ADAMTS15: variants seen among roughly 807,000 people sequenced by gnomAD.
ADAMTS15 encodes ADAM metallopeptidase with thrombospondin type 1 motif 15.
A neutral mutation model predicts 79.1 loss-of-function variants in ADAMTS15; 35 were observed. The observed-to-expected ratio is 0.44, with a 90% CI of 0.34 to 0.59. The LOEUF (loss-of-function observed/expected upper bound fraction) is 0.59. ADAMTS15 is among the 20% of genes least tolerant of loss of function. ADAMTS15 has a pLI of 0.02. For synonymous variants in ADAMTS15, 616 were observed against 567.3 expected (o/e 1.09, Z -1.22); for missense variants, 1,324 against 1,318.7 (o/e 1.00, Z -0.06).
At chr11:130,469,469 G>A in intron 5 of ADAMTS15, 30 bp downstream of exon 5, 1 of 1,310,864 alleles carries the variant, frequency 7.6e-7, no homozygotes, top group East Asian at 2.9e-5. Context: ...GGTGGCCTGG[G>A]CCCAGGGGAG....
intron 4 of ADAMTS15, among the ~76,000 whole-genome samples, chr11:130,466,055 T>G (rs920142861): frequency 4.6e-5 from 7 of 152,146 alleles, no homozygotes; most frequent in South Asian, 2.1e-4. Context: ...GTATTTTTAG[T>G]GGAGATGGGG....
chr11:130,463,249 T>G (rs1162021635), intron 4 of ADAMTS15, among the ~76,000 whole-genome samples: 1 of 152,242 alleles, frequency 6.6e-6, no homozygotes, highest in African/African-American at 2.4e-5. Context: ...AGCAAAGCCC[T>G]GGGCAAGCTT....
intron 5 of ADAMTS15, among the ~76,000 whole-genome samples, chr11:130,470,212 ATATATATATATAT>A (rs1938423000): frequency 3.8e-5 from 2 of 52,296 alleles, no homozygotes; most frequent in East Asian, 3.0e-4. Flanking sequence ...ATATATATGT[ATATATATATATAT>A]TTTCTGAGGT....
intron 7 of ADAMTS15, among the ~76,000 whole-genome samples, chr11:130,471,850 G>T (rs1178169595): frequency 1.3e-5 from 2 of 152,222 alleles, no homozygotes; most frequent in African/African-American, 4.8e-5. Context: ...AAGTAACACG[G>T]TTAGCATCGT....
At position 130,449,810 on chromosome 11, in the gene ADAMTS15, C is replaced by G; in HGVS notation, c.837C>G (p.Pro279=). The change falls in exon 1 of 8, where the codon CCC becomes CCG. Residue 279 remains proline (P), a synonymous_variant. Transcript: ENST00000299164. The surrounding 1 kb of genome is among the most constrained non-coding windows in gnomAD (Gnocchi z 7.8). ...VLLLRDRDSG[P]KVTGNAALTL... is the part of the protein sequence containing the mutation. ...TTCTTAGAGATCGTGACTCCGGGCCCAAGGTCACCGGCAATGCGGCCCTGA... is the reference window on the plus strand; with the variant it reads ...TTCTTAGAGATCGTGACTCCGGGCCGAAGGTCACCGGCAATGCGGCCCTGA... 9 of 1,611,214 alleles carry G rather than the reference C, an allele frequency of 5.6e-6. No individual in the cohort carries two copies. The highest frequency in any genetic ancestry group is 7.6e-6 in the Non-Finnish European group (9 of 1,180,020).
intron 1 of ADAMTS15, chr11:130,450,206 A>C: frequency 1.0e-6 from 1 of 985,460 alleles, no homozygotes; most frequent in South Asian, 4.7e-5. Flanking sequence ...TCAGGCGCCG[A>C]GGGGCCGGAA....
intron 5 of ADAMTS15, among the ~76,000 whole-genome samples, chr11:130,470,186 G>GTGTATATATATATATATATATATATA (rs1565397851): frequency 1.5e-5 from 1 of 67,178 alleles, no homozygotes; most frequent in Non-Finnish European, 2.6e-5. Context: ...ATATATGTGT[G>GTGTATATATATATATATATATATATA]TATATATATA....
chr11:130,449,689 A>G lies in ADAMTS15; in HGVS notation c.716A>G (p.Glu239Gly). The stretch of plus-strand genomic sequence containing the variant: ...GTCAAGTTCCACGGCGCGGACCTGG[A>G]ACATTATCTGCTGACGCTGCTGGCA... ...SMVKFHGADL[E>G]HYLLTLLATA... Residue 239 changes from glutamate (E) to glycine (G), a missense_variant, in exon 1 of 8, where the codon GAA becomes GGA. Physicochemically the swap from Glu to Gly is moderately conservative, Grantham distance 98. Coordinates refer to ENST00000299164, the MANE Select transcript of ADAMTS15 (RefSeq NM_139055.4). The surrounding 1 kb of genome is among the most constrained non-coding windows in gnomAD (Gnocchi z 7.8). 6.2e-7 allele frequency: 1 copy of G among 1,607,322 alleles called. No homozygotes were observed. The highest frequency in any genetic ancestry group is 2.2e-5 in the East Asian group (1 of 44,602).
chr11:130,455,101 T>C (rs888399866), intron 1 of ADAMTS15, among the ~76,000 whole-genome samples: 2 of 152,156 alleles, frequency 1.3e-5, no homozygotes, highest in African/African-American at 2.4e-5. Context: ...CTATGTGCAC[T>C]TAACTTTCCT....
chr11:130,470,955 G>A lies in ADAMTS15; in HGVS notation c.1756G>A (p.Ala586Thr), dbSNP rs1348859960. Residue 586 changes from alanine to threonine, a missense_variant, in exon 6 of 8, where the codon GCT becomes ACT. Transcript: ENST00000299164. Reference sequence around the variant, plus strand: ...GAGCTTCCGGGAGGAGCAGTGTGAGGCTTTCAACGGCTACAACCACAGCAC... The same window carrying A: ...GAGCTTCCGGGAGGAGCAGTGTGAGACTTTCAACGGCTACAACCACAGCAC... ...GKSFREEQCE[A>T]FNGYNHSTNR... 3.1e-6 allele frequency: 5 copies of A among 1,613,776 alleles called. No homozygotes were observed. In the East Asian group the frequency reaches 6.7e-5, roughly 22 times the overall value.
At chr11:130,458,012 C>A (rs985184487) in intron 1 of ADAMTS15, among the ~76,000 whole-genome samples, 1 of 152,100 alleles carries the variant, frequency 6.6e-6, no homozygotes, top group Non-Finnish European at 1.5e-5. Flanking sequence ...ACCGGGACTT[C>A]TTGATGGAAA....
chr11:130,470,119 CATAT>C lies in ADAMTS15; in HGVS notation c.1720+690_1720+693del, dbSNP rs1208986843. ...GTAGTTATCAGGTTCATTACTGAAT[CATAT>C]ATATATATACATATATATATATATA... is the stretch of plus-strand genomic sequence containing the variant. On this transcript the variant is annotated intron_variant, in intron 5 of 7. Transcript: ENST00000299164. Among the ~76,000 whole-genome samples, 37 of 64,010 alleles carry C rather than the reference CATAT, an allele frequency of 5.8e-4. 1 individual carries two copies. Among genetic ancestry groups the C allele is most frequent in the Non-Finnish European group, 7.6e-4 (25 of 32,964 alleles). 42.0% of individuals were successfully genotyped at this position (64,010 alleles called of 152,430 possible).
At position 130,473,807 on chromosome 11, in the gene ADAMTS15, C is replaced by T. The variant is rs61744317; in HGVS notation, c.2839C>T (p.Leu947=). ...GCCCCAGGAGCTGGACTTCTGCGTC[C>T]TGAGGCCGTGCTGAGTGGGGTCATC... The part of the protein sequence containing the change: ...RKPQELDFCV[L]RPC Residue 947 remains leucine, a synonymous_variant, in exon 8 of 8, where the codon CTG becomes TTG. Coordinates refer to ENST00000299164, the MANE Select transcript of ADAMTS15 (RefSeq NM_139055.4). 3.1e-3 allele frequency: 5,018 copies of T among 1,596,338 alleles called. 127 individuals carry two copies. In the African/African-American group the frequency reaches 0.054, roughly 17 times the overall value.
intron 1 of ADAMTS15, among the ~76,000 whole-genome samples, chr11:130,455,861 G>A (rs921724630): frequency 6.6e-6 from 1 of 152,140 alleles, no homozygotes. Flanking sequence ...GAGCACTCTC[G>A]GCACTTAATC....
intron 5 of ADAMTS15, among the ~76,000 whole-genome samples, chr11:130,470,158 A>ATGTG (rs1783596038): frequency 1.0e-4 from 5 of 50,036 alleles, no homozygotes; most frequent in East Asian, 4.4e-4. Flanking sequence ...ATATGTGTAT[A>ATGTG]TATATATATA....
rs1272212952 is a variant in ADAMTS15 at position 130,449,750 on chromosome 11, C to G, written c.777C>G (p.Leu259=). 3 of 1,612,844 alleles carry G rather than the reference C, an allele frequency of 1.9e-6. No individual in the cohort carries two copies. The highest frequency in any genetic ancestry group is 1.1e-5 in the South Asian group (1 of 91,070). Residue 259 remains leucine, a synonymous_variant, in exon 1 of 8, where the codon CTC becomes CTG. Transcript: ENST00000299164. The surrounding 1 kb of genome is among the most constrained non-coding windows in gnomAD (Gnocchi z 7.8). ...AARLYRHPSI[L]NPINIVVVKV... is the part of the protein sequence containing the mutation. Reference sequence around the variant, plus strand: ...GACTCTACCGCCATCCCAGCATCCTCAACCCCATCAACATCGTTGTGGTCA... The same window carrying G: ...GACTCTACCGCCATCCCAGCATCCTGAACCCCATCAACATCGTTGTGGTCA...
chr11:130,450,192 T>C, intron 1 of ADAMTS15: 2 of 985,480 alleles, frequency 2.0e-6, no homozygotes, highest in Non-Finnish European at 2.4e-6. Flanking sequence ...CAGCGCCTCC[T>C]GGATCAGGCG....
At chr11:130,469,208 G>T (rs1349445006) in intron 4 of ADAMTS15, 54 bp from the exon 5 acceptor site, 8 of 1,353,176 alleles carry the variant, frequency 5.9e-6, no homozygotes, top group Middle Eastern at 2.2e-4. Flanking sequence ...TGGGCTGAGG[G>T]GCTGGGTGTG....
At chr11:130,470,160 A>ATATATATATATGTATATG (rs1938404904) in intron 5 of ADAMTS15, among the ~76,000 whole-genome samples, 1 of 57,314 alleles carries the variant, frequency 1.7e-5, no homozygotes, top group Non-Finnish European at 3.3e-5. Flanking sequence ...ATGTGTATAT[A>ATATATATATATGTATATG]TATATATATA....
Sources: allele counts gnomAD v4.1 joint callset (sites outside exome capture counted in the v4.1 genomes callset), GRCh38; gene constraint gnomAD v4.1.1; non-coding constraint Gnocchi (gnomAD v3.1); transcripts MANE v1.5; gene names NCBI Gene and HGNC (gene_info 2026-07-23, HGNC 2026-07-21).